Variants in VWF observed in about 807,000 individuals in gnomAD.
The protein encoded by VWF is Factor VIII related antigen.
A neutral mutation model predicts 308.6 loss-of-function variants in VWF; 176 were observed. That is an observed-to-expected ratio of 0.57 (90% CI 0.50 to 0.65). The LOEUF (loss-of-function observed/expected upper bound fraction) is 0.65. VWF is among the 30% of genes least tolerant of loss of function. The pLI is 0.00. For synonymous variants in VWF, 1,385 were observed against 1,443.4 expected (o/e 0.96, Z 0.92); for missense variants, 3,146 against 3,648.2 (o/e 0.86, Z 3.55).
Position 6,064,375 on chromosome 12 carries a change from C to A in VWF, c.1303G>T (p.Asp435Tyr). The change falls in exon 12 of 52, where the codon GAC (aspartate) becomes TAC (tyrosine). Residue 435 changes from aspartate to tyrosine, a missense_variant. By Grantham distance (160) the Asp-to-Tyr change is radical. Coordinates refer to ENST00000261405, the MANE Select transcript of VWF (RefSeq NM_000552.5). Reference sequence around the variant, plus strand: ...GAGCGGGTGCACACAGCGTCGCGGTCATCAGCACACTGCCAAGAGGGAACA... The same window carrying A: ...GAGCGGGTGCACACAGCGTCGCGGTAATCAGCACACTGCCAAGAGGGAACA... ...IVIETVQCAD[D>Y]RDAVCTRSVT... The A allele has an allele frequency of 6.2e-7, 1 of 1,614,108 alleles. No homozygotes were observed. Among genetic ancestry groups the A allele is most frequent in the South Asian group, 1.1e-5 (1 of 91,068 alleles).
At chr12:6,039,226 C>T (rs1348342909) in intron 18 of VWF, among the ~76,000 whole-genome samples, 2 of 152,220 alleles carry the variant, frequency 1.3e-5, no homozygotes, top group African/African-American at 4.8e-5. Flanking sequence ...GGCAAAAATA[C>T]TCGTCCCATC....
chr12:6,055,837 C>T (rs1441379547), intron 15 of VWF, among the ~76,000 whole-genome samples: 2 of 149,448 alleles, frequency 1.3e-5, no homozygotes, highest in Non-Finnish European at 3.0e-5. Flanking sequence ...TGCAGTGGTG[C>T]GATCATAACT....
At chr12:5,997,951 CAGAGT>C (rs531631817) in intron 34 of VWF, among the ~76,000 whole-genome samples, 92 of 152,306 alleles carry the variant, frequency 6.0e-4, no homozygotes, top group African/African-American at 2.0e-3. Flanking sequence ...AATATTATCA[CAGAGT>C]AAAGTATATC....
intron 6 of VWF, among the ~76,000 whole-genome samples, chr12:6,093,295 C>CGCT (rs1945070521): frequency 6.6e-6 from 1 of 152,084 alleles, no homozygotes; most frequent in Non-Finnish European, 1.5e-5. Flanking sequence ...AAGGGCTCAC[C>CGCT]ACTGAGTCAT....
chr12:6,075,371 T>C lies in VWF; in HGVS notation c.838A>G (p.Met280Val), dbSNP rs1944830567. 3 of 1,613,922 alleles carry C rather than the reference T, an allele frequency of 1.9e-6. No homozygotes were observed. The highest frequency in any genetic ancestry group is 2.5e-6 in the Non-Finnish European group (3 of 1,179,960). Residue 280 changes from methionine to valine, a missense_variant, in exon 7 of 52, where the codon ATG (methionine) becomes GTG (valine). Coordinates refer to ENST00000261405, the MANE Select transcript of VWF (RefSeq NM_000552.5). The surrounding 1 kb of genome is among the most constrained non-coding windows in gnomAD (Gnocchi z 4.7). ...TGGTCGGTCCAGCCGTACAGCACCATTCCCTCCTGGGCACAGGTCCGGGCG... is the reference window on the plus strand; with the variant it reads ...TGGTCGGTCCAGCCGTACAGCACCACTCCCTCCTGGGCACAGGTCCGGGCG... ...EYARTCAQEG[M>V]VLYGWTDHSA...
rs61748496 is a variant in VWF, at chr12:6,025,643, C to G, written c.3159G>C (p.Gln1053His). Residue 1053 changes from glutamine (Q) to histidine (H), a missense_variant, in exon 24 of 52, where the codon CAG (glutamine) becomes CAC (histidine). By Grantham distance (24) the Gln-to-His change is conservative. This residue lies in a region of VWF where 853 missense variants were observed against 1,177.8 expected (regional missense o/e 0.72). Transcript: ENST00000261405. ...TTCTACAGGAGGAATCCACCATCGT[C>G]TGCTTCATGATGTTGTTATGGCAGG... ...PATCHNNIMK[Q>H]TMVDSSCRIL... 1.3e-6 allele frequency: 2 copies of G among 1,581,750 alleles called. No individual in the cohort carries two copies. The highest frequency in any genetic ancestry group is 1.1e-5 in the South Asian group (1 of 89,730).
chr12:5,982,039 C>A (rs2286938), intron 41 of VWF, 48 bp from the exon 42 acceptor site: 1 of 1,584,982 alleles, frequency 6.3e-7, no homozygotes, highest in Non-Finnish European at 8.6e-7. Context: ...AGCCAGGGCT[C>A]GTAAGTATTC....
At chr12:5,957,095 T>C (rs10849362) in intron 47 of VWF, among the ~76,000 whole-genome samples, 70,802 of 152,038 alleles carry the variant, frequency 0.47, 18,526 homozygotes, top group African/African-American at 0.7. Flanking sequence ...CAAATGCTAA[T>C]CATTGTGTTA....
rs1944121758 is a variant in VWF, at chr12:6,020,818, A to G, written c.3675-1075T>C. 6.6e-6 allele frequency among the ~76,000 whole-genome samples: 1 copy of G among 152,368 alleles called. No homozygotes were observed. The highest frequency in any genetic ancestry group is 2.4e-5 in the African/African-American group (1 of 41,584). ...CCAGCCTGCTGTGGGACTTCTGTCCACACACTGCTTGCAGCTTCAGCGTGC... is the reference window on the plus strand; with the variant it reads ...CCAGCCTGCTGTGGGACTTCTGTCCGCACACTGCTTGCAGCTTCAGCGTGC... On this transcript the variant is annotated intron_variant, in intron 27 of 51. Coordinates refer to ENST00000261405, the MANE Select transcript of VWF (RefSeq NM_000552.5). This position sits in a 1 kb window ranked among gnomAD's most constrained non-coding sequence, Gnocchi z 4.3.
At chr12:6,099,830 G>T (rs1945142085) in intron 5 of VWF, among the ~76,000 whole-genome samples, 1 of 152,098 alleles carries the variant, frequency 6.6e-6, no homozygotes, top group Admixed American at 6.6e-5. Flanking sequence ...ACATAGGCAT[G>T]GGCAAGAACT....
intron 5 of VWF, 152 bp downstream of exon 5, chr12:6,110,222 T>C: frequency 5.8e-6 from 5 of 863,812 alleles, no homozygotes; most frequent in Non-Finnish European, 9.8e-6. Context: ...GGCATTGGAA[T>C]GGAATGCAAA....
chr12:6,075,395 C>T lies in VWF; in HGVS notation c.814G>A (p.Ala272Thr), dbSNP rs747799959. The part of the protein sequence containing the change: ...ECACPALLEY[A>T]RTCAQEGMVL... The stretch of plus-strand genomic sequence containing the variant: ...ATTCCCTCCTGGGCACAGGTCCGGG[C>T]GTACTCCAGGAGGGCAGGGCAGGCG... Residue 272 changes from alanine (A) to threonine (T), a missense_variant, in exon 7 of 52, where the codon GCC becomes ACC. Physicochemically the swap from Ala to Thr is moderately conservative, Grantham distance 58 (BLOSUM62 0). This residue lies in a region of VWF where 1,304 missense variants were observed against 1,353.0 expected (regional missense o/e 0.96). Coordinates refer to ENST00000261405, the MANE Select transcript of VWF (RefSeq NM_000552.5). The surrounding 1 kb of genome is among the most constrained non-coding windows in gnomAD (Gnocchi z 4.7). 17 of 1,613,978 alleles carry T rather than the reference C, an allele frequency of 1.1e-5. No homozygotes were observed. The highest frequency in any genetic ancestry group is 1.4e-5 in the Non-Finnish European group (17 of 1,180,024).
intron 15 of VWF, 52 bp downstream of exon 15, chr12:6,056,805 T>G: frequency 7.6e-7 from 1 of 1,319,140 alleles, no homozygotes; most frequent in South Asian, 2.0e-5. Context: ...AAAGCACACG[T>G]GGACGGATTT....
Position 6,110,902 on chromosome 12 carries a change from A to C in VWF, c.287T>G (p.Leu96Trp). 1 of 1,614,210 alleles carries C rather than the reference A, an allele frequency of 6.2e-7. No individual in the cohort carries two copies. Among genetic ancestry groups the C allele is most frequent in the East Asian group, 2.2e-5 (1 of 44,884 alleles). Residue 96 changes from leucine (L) to tryptophan (W), a missense_variant, in exon 4 of 52, where the codon TTG (leucine) becomes TGG (tryptophan). Around this residue, in one of 3 missense-constraint regions of VWF, gnomAD observed 1,304 missense variants for 1,353.0 expected, o/e 0.96. Coordinates refer to ENST00000261405, the MANE Select transcript of VWF (RefSeq NM_000552.5). ...CTGTGTCACGGTACCATTGACAAAC[A>C]AATGGATGTCAAAAAATTCCCCAAG... Reference protein sequence around the residue: ...VYLGEFFDIHLFVNGTVTQGD... With the variant: ...VYLGEFFDIHWFVNGTVTQGD...
Position 6,075,377 on chromosome 12 carries a change from C to G in VWF, c.832G>C (p.Glu278Gln). The part of the protein sequence containing the change: ...LLEYARTCAQ[E>Q]GMVLYGWTDH... ...GTCCAGCCGTACAGCACCATTCCCT[C>G]CTGGGCACAGGTCCGGGCGTACTCC... Residue 278 changes from glutamate to glutamine, a missense_variant, in exon 7 of 52, where the codon GAG becomes CAG. Around this residue, in one of 3 missense-constraint regions of VWF, gnomAD observed 1,304 missense variants for 1,353.0 expected, o/e 0.96. Coordinates refer to ENST00000261405, the MANE Select transcript of VWF (RefSeq NM_000552.5). This position sits in a 1 kb window ranked among gnomAD's most constrained non-coding sequence, Gnocchi z 4.7. 5 of 1,614,166 alleles carry G rather than the reference C, an allele frequency of 3.1e-6. No individual in the cohort carries two copies. Among genetic ancestry groups the G allele is most frequent in the Non-Finnish European group, 4.2e-6 (5 of 1,180,032 alleles).
At chr12:6,099,184 G>C (rs1013785226) in intron 5 of VWF, among the ~76,000 whole-genome samples, 1 of 151,928 alleles carries the variant, frequency 6.6e-6, no homozygotes, top group Admixed American at 6.6e-5. Context: ...GCCAGGCGTG[G>C]GGGTGGATGC....
chr12:5,961,095 T>C (rs765157920), intron 47 of VWF, among the ~76,000 whole-genome samples: 5 of 152,212 alleles, frequency 3.3e-5, no homozygotes, highest in South Asian at 2.1e-4. Context: ...GGGAATCTAA[T>C]GCCTGATGAT....
chr12:6,001,904 G>A (rs1192614629), intron 34 of VWF, among the ~76,000 whole-genome samples: 1 of 152,004 alleles, frequency 6.6e-6, no homozygotes, highest in Non-Finnish European at 1.5e-5. Flanking sequence ...TCAGAGTATA[G>A]TAAAATTAAA....
intron 6 of VWF, among the ~76,000 whole-genome samples, chr12:6,081,458 G>A (rs1192160796): frequency 6.6e-6 from 1 of 152,170 alleles, no homozygotes; most frequent in Non-Finnish European, 1.5e-5. Flanking sequence ...TCCTGCCTCA[G>A]CCTCCCAAGT....
Sources: allele counts gnomAD v4.1 joint callset (sites outside exome capture counted in the v4.1 genomes callset), GRCh38; gene constraint gnomAD v4.1.1; regional missense constraint gnomAD v4.1.1; non-coding constraint Gnocchi (gnomAD v3.1); transcripts MANE v1.5; gene names NCBI Gene and HGNC (gene_info 2026-07-23, HGNC 2026-07-21).